TCF7L1: variants seen among roughly 807,000 people sequenced by gnomAD.
TCF7L1 encodes transcription factor 7-like 1.
A neutral mutation model predicts 63.7 loss-of-function variants in TCF7L1; 18 were observed. The ratio of observed to expected loss-of-function variants is 0.28; its 90% confidence interval spans 0.20 to 0.42. The LOEUF is 0.42. Among genes scored for constraint, TCF7L1 ranks in the 10% least tolerant of loss-of-function variants. The pLI is 1.00. For synonymous variants in TCF7L1, 355 were observed against 340.9 expected (o/e 1.04, Z -0.46); for missense variants, 654 against 779.3 (o/e 0.84, Z 1.91).
rs1300843452 is a variant in TCF7L1 at position 85,309,298 on chromosome 2, A to C, written c.1603A>C (p.Met535Leu). ...AKAAASSSGQ[M>L]GSQPPLLSRP... ...GGCTGCAGCCTCCTCCTCTGGGCAG[A>C]TGGGCAGCCAGCCTCCCCTCCTGTC... The change falls in exon 12 of 12, where the codon ATG (methionine) becomes CTG (leucine). Residue 535 changes from methionine to leucine, a missense_variant. Transcript: ENST00000282111. 1 of 1,613,220 alleles carries C rather than the reference A, an allele frequency of 6.2e-7. No homozygotes were observed. The highest frequency in any genetic ancestry group is 1.3e-5 in the African/African-American group (1 of 74,878).
At chr2:85,299,860 A>AACACACACACACACAC (rs61569778) in intron 4 of TCF7L1, among the ~76,000 whole-genome samples, 3,101 of 92,700 alleles carry the variant, frequency 0.033, 268 homozygotes, top group East Asian at 0.066. Context: ...CCTTGTCTCA[A>AACACACACACACACAC]ACACACACAC....
chr2:85,278,922 A>C (rs375698703), intron 3 of TCF7L1, among the ~76,000 whole-genome samples: 3 of 152,220 alleles, frequency 2.0e-5, no homozygotes, highest in Non-Finnish European at 4.4e-5. Context: ...AGCGATCGCT[A>C]TTGCCAGGCC....
Position 85,168,409 on chromosome 2 carries a change from C to T in TCF7L1, c.441+33959C>T, listed in dbSNP as rs116811050. On this transcript the variant is annotated intron_variant, in intron 3 of 11. Coordinates refer to ENST00000282111, the MANE Select transcript of TCF7L1 (RefSeq NM_031283.3). Reference sequence around the variant, plus strand: ...AACAAAAAAAGAGTAAGTGTGGGAACAGTGAAGATGGAGAAGGAGGGGTAG... The same window carrying T: ...AACAAAAAAAGAGTAAGTGTGGGAATAGTGAAGATGGAGAAGGAGGGGTAG... Among the ~76,000 whole-genome samples the T allele has an allele frequency of 7.1e-3, 1,082 of 152,188 alleles. 17 individuals are homozygous for T. Among genetic ancestry groups the T allele is most frequent in the South Asian group, 0.036 (175 of 4,812 alleles).
intron 3 of TCF7L1, among the ~76,000 whole-genome samples, chr2:85,261,125 T>G (rs6547606): frequency 0.38 from 23,677 of 62,164 alleles, 2,332 homozygotes; most frequent in Non-Finnish European, 0.43. Context: ...TTATTGCTGG[T>G]GTGTGTGTGT....
chr2:85,278,809 A>T (rs943097624), intron 3 of TCF7L1, among the ~76,000 whole-genome samples: 1 of 152,236 alleles, frequency 6.6e-6, no homozygotes, highest in Non-Finnish European at 1.5e-5. Context: ...ACATATGTAA[A>T]TCGAAGACAG....
chr2:85,164,389 G>A lies in TCF7L1; in HGVS notation c.441+29939G>A, dbSNP rs559638472. Among the ~76,000 whole-genome samples, 4 of 152,288 alleles carry A rather than the reference G, an allele frequency of 2.6e-5. No homozygotes were observed. The South Asian group carries it at 8.3e-4, about 32-fold the overall frequency. On this transcript the variant is annotated intron_variant, in intron 3 of 11. Transcript: ENST00000282111. ...GCCTAAGATGAAGGCTGGGGTCAGG[G>A]GCAGTGTTAAACATCAGCTGGAGAG...
chr2:85,262,274 T>C, intron 3 of TCF7L1: 1 of 556,612 alleles, frequency 1.8e-6, no homozygotes, highest in South Asian at 1.4e-5. Flanking sequence ...TGGGCGCATC[T>C]TCACCTTCTG....
chr2:85,307,764 C>A, intron 11 of TCF7L1, 47 bp downstream of exon 11: 2 of 1,532,014 alleles, frequency 1.3e-6, no homozygotes, highest in Non-Finnish European at 1.8e-6. Context: ...CCTTTTGTCA[C>A]AGCCACACCT....
intron 3 of TCF7L1, among the ~76,000 whole-genome samples, chr2:85,228,993 C>G (rs1680014432): frequency 7.2e-6 from 1 of 139,510 alleles, no homozygotes; most frequent in Non-Finnish European, 1.5e-5. Flanking sequence ...TGCACTCCAG[C>G]CTGGGCGACA....
intron 3 of TCF7L1, among the ~76,000 whole-genome samples, chr2:85,234,777 C>T (rs1273229839): frequency 6.6e-6 from 1 of 152,140 alleles, no homozygotes; most frequent in Non-Finnish European, 1.5e-5. Flanking sequence ...AGGGCTTTGT[C>T]GTCTCATGGA....
chr2:85,239,432 C>T (rs1464471526), intron 3 of TCF7L1, among the ~76,000 whole-genome samples: 2 of 152,170 alleles, frequency 1.3e-5, no homozygotes, highest in African/African-American at 4.8e-5. Flanking sequence ...AAACTCATCA[C>T]AGTGTGGACT....
At chr2:85,155,911 G>T (rs575005148) in intron 3 of TCF7L1, among the ~76,000 whole-genome samples, 2 of 152,292 alleles carry the variant, frequency 1.3e-5, no homozygotes, top group East Asian at 1.9e-4. Context: ...ATTAACGCAG[G>T]CAGAACAAAA....
chr2:85,218,684 C>T (rs1679770264), intron 3 of TCF7L1, among the ~76,000 whole-genome samples: 1 of 151,866 alleles, frequency 6.6e-6, no homozygotes, highest in Non-Finnish European at 1.5e-5. Context: ...AAAGCTTTTG[C>T]ATTTTTTCCT....
At chr2:85,205,538 T>C (rs796625570) in intron 3 of TCF7L1, among the ~76,000 whole-genome samples, 67,562 of 147,088 alleles carry the variant, frequency 0.46, 15,276 homozygotes, top group African/African-American at 0.51. Context: ...GCCCACATTG[T>C]TTTTTTTTTT....
chr2:85,228,559 G>A (rs1680006391), intron 3 of TCF7L1, among the ~76,000 whole-genome samples: 1 of 152,208 alleles, frequency 6.6e-6, no homozygotes, highest in African/African-American at 2.4e-5. Context: ...GAGCGAAGAG[G>A]TGGGTTGGGG....
At chr2:85,247,084 C>G (rs1201799612) in intron 3 of TCF7L1, among the ~76,000 whole-genome samples, 2 of 152,168 alleles carry the variant, frequency 1.3e-5, no homozygotes, top group Non-Finnish European at 2.9e-5. Flanking sequence ...TACAAGAAGC[C>G]CCCTCTGTCT....
chr2:85,147,245 G>A (rs1215904105), intron 3 of TCF7L1, among the ~76,000 whole-genome samples: 1 of 152,208 alleles, frequency 6.6e-6, no homozygotes, highest in Non-Finnish European at 1.5e-5. Context: ...TCAGGCCAAG[G>A]TTGCAGCAGG....
intron 3 of TCF7L1, among the ~76,000 whole-genome samples, chr2:85,188,862 A>G (rs866177914): frequency 2.0e-5 from 3 of 152,254 alleles, no homozygotes; most frequent in Non-Finnish European, 4.4e-5. Context: ...ATGAATTACT[A>G]ACTCCGGGTT....
intron 3 of TCF7L1, among the ~76,000 whole-genome samples, chr2:85,266,412 A>C (rs574240786): frequency 6.6e-6 from 1 of 152,278 alleles, no homozygotes; most frequent in African/African-American, 2.4e-5. Context: ...ATGAGAGACT[A>C]AAAGTAGTTA....
Sources: gnomAD v4.1 joint callset for allele counts (sites outside exome capture counted in the v4.1 genomes callset) on GRCh38, gnomAD v4.1.1 for gene constraint, MANE v1.5 for transcripts, NCBI Gene and HGNC (gene_info 2026-07-23, HGNC 2026-07-21) for gene names.